UVRAG: variants seen among roughly 807,000 people sequenced by gnomAD.
UVRAG encodes the protein UV radiation resistance-associated gene protein.
In UVRAG, 19 loss-of-function variants were observed where a neutral mutation model predicts 78.0. That is an observed-to-expected ratio of 0.24 (90% confidence interval 0.17 to 0.36). The LOEUF (loss-of-function observed/expected upper bound fraction) is 0.36, where lower values mean the gene tolerates loss of function less well. Among genes scored for constraint, UVRAG ranks in the 10% least tolerant of loss-of-function variants. UVRAG has a pLI of 1.00. For missense variants in UVRAG, 740 were observed against 853.8 expected, an observed-to-expected ratio of 0.87 and a Z score of 1.66; for synonymous variants, 323 against 324.6, an observed-to-expected ratio of 1.00 and a Z score of 0.05.
intron 7 of UVRAG, among the ~76,000 whole-genome samples, chr11:75,978,454 G>A (rs565630912): frequency 6.6e-6 from 1 of 152,314 alleles, no homozygotes; most frequent in South Asian, 2.1e-4. Context: ...ATAATATCCT[G>A]CAGAGTGTTT....
chr11:76,140,063 C>G (rs1466576067), intron 14 of UVRAG, among the ~76,000 whole-genome samples: 1 of 22,556 alleles, frequency 4.4e-5, no homozygotes, highest in Non-Finnish European at 9.5e-5. Context: ...CTCTCTCTCC[C>G]TCCCTCCCTC....
At chr11:75,845,193 A>G (rs1946008003) in intron 1 of UVRAG, among the ~76,000 whole-genome samples, 2 of 152,242 alleles carry the variant, frequency 1.3e-5, no homozygotes, top group African/African-American at 4.8e-5. Flanking sequence ...TAAGGATGTG[A>G]TAGGTAGTGT....
In UVRAG at chr11:75,992,430, T is replaced by G. The variant is rs78726767; in HGVS notation, c.826+8917T>G. Among the ~76,000 whole-genome samples, 1,021 of 152,304 alleles carry G rather than the reference T, an allele frequency of 6.7e-3. 13 individuals are homozygous for G. Among genetic ancestry groups the G allele is most frequent in the African/African-American group, 0.023 (971 of 41,558 alleles). On this transcript the variant is annotated intron_variant, in intron 8 of 14. Coordinates refer to ENST00000356136, the MANE Select transcript of UVRAG (RefSeq NM_003369.4). ...TATGTTTTTGAGATGAGAATTACTT[T>G]GTATTCCCCTGGACTATTAGAATCC...
chr11:75,976,668 G>A (rs562655411), intron 7 of UVRAG, among the ~76,000 whole-genome samples: 1 of 152,076 alleles, frequency 6.6e-6, no homozygotes, highest in Admixed American at 6.5e-5. Context: ...GGTGTTTATA[G>A]TATTATCTGA....
intron 3 of UVRAG, among the ~76,000 whole-genome samples, chr11:75,877,657 G>A (rs1363454133): frequency 8.1e-5 from 11 of 136,538 alleles, no homozygotes; most frequent in Non-Finnish European, 1.4e-4. Flanking sequence ...CAGGCAGAGG[G>A]GCTCCTCACT....
At chr11:75,902,275 G>A (rs1021089764) in intron 5 of UVRAG, among the ~76,000 whole-genome samples, 2 of 152,214 alleles carry the variant, frequency 1.3e-5, no homozygotes, top group African/African-American at 4.8e-5. Flanking sequence ...AGGGACGGGA[G>A]TGGGGACGGT....
intron 12 of UVRAG, among the ~76,000 whole-genome samples, chr11:76,044,858 G>T (rs1418775286): frequency 6.6e-6 from 1 of 151,996 alleles, no homozygotes; most frequent in Non-Finnish European, 1.5e-5. Flanking sequence ...CAGAGAAACT[G>T]TGAAATCAAC....
chr11:75,913,356 C>T (rs1005690839), intron 6 of UVRAG, among the ~76,000 whole-genome samples: 5 of 152,064 alleles, frequency 3.3e-5, no homozygotes, highest in Admixed American at 1.3e-4. Flanking sequence ...CCAGGAGTAG[C>T]GAACACTGTG....
chr11:76,063,131 TTGCGTTC>T (rs1565144260), intron 12 of UVRAG, among the ~76,000 whole-genome samples: 3 of 152,262 alleles, frequency 2.0e-5, no homozygotes, highest in Non-Finnish European at 2.9e-5. Flanking sequence ...CAAATATTTA[TTGCGTTC>T]TGCTAGTAGC....
At position 75,990,372 on chromosome 11, in the gene UVRAG, T is replaced by A. The variant is rs115772343; in HGVS notation, c.826+6859T>A. On this transcript the variant is annotated intron_variant, in intron 8 of 14. Coordinates refer to ENST00000356136, the MANE Select transcript of UVRAG (RefSeq NM_003369.4). ...TTAACAGGCTTCCAAGTTCTGCTGA[T>A]GTTTCTGGTCTGTGAACCACATTTT... is the stretch of plus-strand genomic sequence containing the variant. 8.4e-3 allele frequency among the ~76,000 whole-genome samples: 1,284 copies of A among 152,344 alleles called. 23 individuals are homozygous for A. Among genetic ancestry groups the A allele is most frequent in the African/African-American group, 0.029 (1,225 of 41,578 alleles).
At chr11:76,060,985 C>T (rs901397443) in intron 12 of UVRAG, among the ~76,000 whole-genome samples, 4 of 152,262 alleles carry the variant, frequency 2.6e-5, no homozygotes, top group Admixed American at 2.6e-4. Context: ...GCTCCACCTG[C>T]GGCCCTGGTG....
intron 13 of UVRAG, among the ~76,000 whole-genome samples, chr11:76,083,340 T>C (rs1221735283): frequency 6.6e-6 from 1 of 152,126 alleles, no homozygotes; most frequent in African/African-American, 2.4e-5. Context: ...TATAAAAAGA[T>C]AAATTACAAA....
chr11:75,925,229 C>G (rs1948073241), intron 6 of UVRAG, among the ~76,000 whole-genome samples: 1 of 152,200 alleles, frequency 6.6e-6, no homozygotes, highest in South Asian at 2.1e-4. Flanking sequence ...TGATTTCACC[C>G]TGATGTCTCT....
At chr11:75,897,068 A>AT (rs879760626) in intron 5 of UVRAG, among the ~76,000 whole-genome samples, 2 of 152,252 alleles carry the variant, frequency 1.3e-5, no homozygotes, top group Non-Finnish European at 2.9e-5. Context: ...TAGAGCAGGC[A>AT]TAGAATCCAA....
chr11:75,890,529 C>G (rs1947192551), intron 5 of UVRAG, among the ~76,000 whole-genome samples: 1 of 152,150 alleles, frequency 6.6e-6, no homozygotes, highest in South Asian at 2.1e-4. Flanking sequence ...ACTGAGAAAA[C>G]TAAGTGACAC....
At chr11:75,916,758 A>G in intron 6 of UVRAG, 1 of 152,378 alleles carries the variant, frequency 6.6e-6, no homozygotes, top group Non-Finnish European at 1.5e-5. Context: ...GCAGAGGTCT[A>G]GGAAATGGGG....
intron 13 of UVRAG, among the ~76,000 whole-genome samples, chr11:76,090,211 A>G (rs1276166808): frequency 1.3e-5 from 2 of 152,200 alleles, no homozygotes; most frequent in Non-Finnish European, 2.9e-5. Context: ...GGCTGTGCAC[A>G]GAGGCCTTTC....
intron 7 of UVRAG, among the ~76,000 whole-genome samples, chr11:75,961,858 G>A (rs946167117): frequency 5.3e-5 from 8 of 151,772 alleles, no homozygotes; most frequent in African/African-American, 1.9e-4. Context: ...AAAAATAGCC[G>A]CCAGGAGGAA....
chr11:76,107,109 T>G (rs151054738), intron 13 of UVRAG, among the ~76,000 whole-genome samples: 2 of 152,350 alleles, frequency 1.3e-5, no homozygotes, highest in East Asian at 3.9e-4. Context: ...CAGAGTTGCA[T>G]GAGTTTAATA....
Sources: gnomAD v4.1 joint callset for allele counts (sites outside exome capture counted in the v4.1 genomes callset) on GRCh38, gnomAD v4.1.1 for gene constraint, MANE v1.5 for transcripts, NCBI Gene and HGNC (gene_info 2026-07-23, HGNC 2026-07-21) for gene names.